BCAT1: variants seen among roughly 807,000 people sequenced by gnomAD.
BCAT1 encodes the protein branched chain amino acid transaminase 1, also known as branched-chain-amino-acid aminotransferase, cytosolic.
BCAT1 carries 48 observed loss-of-function variants against 52.4 expected under a neutral mutation model. That is an observed-to-expected ratio of 0.92 (90% CI 0.73 to 1.16). The LOEUF (loss-of-function observed/expected upper bound fraction) is 1.16. BCAT1 is among the 50% of genes most tolerant of loss of function. The pLI, the probability that BCAT1 is intolerant of heterozygous loss-of-function variation, is 0.00. For missense variants in BCAT1, 451 were observed against 457.1 expected, an observed-to-expected ratio of 0.99 and a Z score of 0.12; for synonymous variants, 167 against 161.3, an observed-to-expected ratio of 1.04 and a Z score of -0.27.
intron 6 of BCAT1, 72 bp downstream of exon 6, chr12:24,849,714 T>C (rs1282066211): frequency 9.7e-6 from 14 of 1,450,666 alleles, no homozygotes; most frequent in South Asian, 5.6e-5. Flanking sequence ...GTGTTCATAC[T>C]GAAGTGAAAT....
chr12:24,909,262 G>T (rs1278089112), intron 1 of BCAT1, among the ~76,000 whole-genome samples: 1 of 152,078 alleles, frequency 6.6e-6, no homozygotes, highest in Non-Finnish European at 1.5e-5. Context: ...TTGGTATTGG[G>T]AAGACAATGA....
chr12:24,932,854 C>A (rs771380246), intron 1 of BCAT1, among the ~76,000 whole-genome samples: 7 of 152,076 alleles, frequency 4.6e-5, no homozygotes, highest in Non-Finnish European at 1.0e-4. Flanking sequence ...CTCCGTCGCC[C>A]AGGCTGGAGT....
chr12:24,820,245 T>G (rs981121608), intron 10 of BCAT1, among the ~76,000 whole-genome samples: 1 of 152,216 alleles, frequency 6.6e-6, no homozygotes, highest in Non-Finnish European at 1.5e-5. Context: ...CTGTAATTTA[T>G]GCTTTTATGT....
chr12:24,841,034 A>C (rs116154144), intron 7 of BCAT1, among the ~76,000 whole-genome samples: 8 of 152,182 alleles, frequency 5.3e-5, no homozygotes, highest in African/African-American at 1.9e-4. Flanking sequence ...CACGTTGCCA[A>C]CACTTCACTG....
In BCAT1 at chr12:24,899,545, G is replaced by A. The variant is rs144114293; in HGVS notation, c.78+2269C>T. ...ATCCTACTACTGGGTATTTTCCAAA[G>A]GAAAGGAAATCAGTATATCAAAGGG... On this transcript the variant is annotated intron_variant, in intron 2 of 10. Coordinates refer to ENST00000261192, the MANE Select transcript of BCAT1 (RefSeq NM_005504.7). Among the ~76,000 whole-genome samples the A allele has an allele frequency of 3.4e-4, 51 of 151,976 alleles. 1 individual carries two copies. The East Asian group carries it at 9.9e-3, about 29-fold the overall frequency.
At chr12:24,925,593 C>T (rs547556151) in intron 1 of BCAT1, among the ~76,000 whole-genome samples, 110 of 151,064 alleles carry the variant, frequency 7.3e-4, no homozygotes, top group African/African-American at 2.4e-3. Context: ...TCCCTCTCCC[C>T]ACGGTCTCCC....
intron 2 of BCAT1, among the ~76,000 whole-genome samples, chr12:24,899,144 A>G (rs1943029144): frequency 6.6e-6 from 1 of 152,194 alleles, no homozygotes; most frequent in African/African-American, 2.4e-5. Flanking sequence ...GTCCACAGAA[A>G]GATTCGCCAG....
intron 1 of BCAT1, chr12:24,902,098 G>C: frequency 1.4e-6 from 2 of 1,472,124 alleles, no homozygotes; most frequent in African/African-American, 2.8e-5. Flanking sequence ...TGCCGGGGTC[G>C]CGGCGGTTTT....
At chr12:24,874,590 G>T (rs1942275785) in intron 5 of BCAT1, among the ~76,000 whole-genome samples, 1 of 152,194 alleles carries the variant, frequency 6.6e-6, no homozygotes, top group Non-Finnish European at 1.5e-5. Flanking sequence ...TAAAAGTTCA[G>T]CTTTCAATGA....
intron 5 of BCAT1, among the ~76,000 whole-genome samples, chr12:24,850,899 A>G (rs1472915986): frequency 6.6e-6 from 1 of 152,188 alleles, no homozygotes; most frequent in African/African-American, 2.4e-5. Flanking sequence ...AAGTTTTTTT[A>G]TTTAACAATA....
Position 24,815,354 on chromosome 12 carries a change from T to G in BCAT1, c.*2654A>C, listed in dbSNP as rs1380401253. ...TCAACCCAATTAAACATTAAATAAT[T>G]GCAGCCAATTATGCAAATATCAGCA... On this transcript the variant is annotated 3_prime_UTR_variant, in exon 11 of 11. Transcript: ENST00000261192. 1.3e-5 allele frequency: 2 copies of G among 152,632 alleles called. No individual in the cohort carries two copies. The highest frequency in any genetic ancestry group is 3.8e-4 in the East Asian group (2 of 5,202). The allele number at this position is 152,632 out of a possible 1,614,324, so 9.5% of individuals were successfully genotyped here.
At chr12:24,868,490 CT>C (rs1237907064) in intron 5 of BCAT1, among the ~76,000 whole-genome samples, 1 of 152,098 alleles carries the variant, frequency 6.6e-6, no homozygotes, top group Non-Finnish European at 1.5e-5. Context: ...CCAAAATATT[CT>C]TCATCTATGG....
intron 2 of BCAT1, among the ~76,000 whole-genome samples, chr12:24,896,527 G>C (rs1164802462): frequency 6.6e-6 from 1 of 152,174 alleles, no homozygotes; most frequent in East Asian, 1.9e-4. Flanking sequence ...CCAACACTTT[G>C]GGAGGCCGAG....
chr12:24,905,898 G>A (rs1943218974), intron 1 of BCAT1, among the ~76,000 whole-genome samples: 1 of 150,720 alleles, frequency 6.6e-6, no homozygotes, highest in Non-Finnish European at 1.5e-5. Context: ...ACCCACATAC[G>A]AGATGATCCT....
At chr12:24,908,285 G>A (rs1943258254) in intron 1 of BCAT1, among the ~76,000 whole-genome samples, 1 of 152,128 alleles carries the variant, frequency 6.6e-6, no homozygotes, top group South Asian at 2.1e-4. Context: ...AAAGAGATTG[G>A]ATCAATGCTT....
chr12:24,868,038 T>A (rs1314657626), intron 5 of BCAT1, among the ~76,000 whole-genome samples: 1 of 152,156 alleles, frequency 6.6e-6, no homozygotes, highest in Non-Finnish European at 1.5e-5. Flanking sequence ...TAAAGCAGTG[T>A]TAGCATTTGT....
chr12:24,836,879 GAGAAAGAA>G (rs147886488), intron 7 of BCAT1, among the ~76,000 whole-genome samples: 3 of 89,686 alleles, frequency 3.3e-5, no homozygotes, highest in Non-Finnish European at 4.1e-5. Flanking sequence ...GAAAGAGAAA[GAGAAAGAA>G]AGAAAGAAAG....
chr12:24,925,762 G>A (rs939865533), intron 1 of BCAT1, among the ~76,000 whole-genome samples: 9 of 152,174 alleles, frequency 5.9e-5, no homozygotes, highest in African/African-American at 1.7e-4. Flanking sequence ...ACTGGTTTTC[G>A]TATTTTTTTG....
rs891265858 is a variant in BCAT1, at chr12:24,837,129, G to T, written c.818-533C>A. ...GAAGAAAGAGAAGGAAGGGAGGAAG[G>T]GGGGAGGGAAGGAAGGAAAGTTATC... On this transcript the variant is annotated intron_variant, in intron 7 of 10. Transcript: ENST00000261192. Among the ~76,000 whole-genome samples, 8 of 131,406 alleles carry T rather than the reference G, an allele frequency of 6.1e-5. 2 individuals carry two copies. The East Asian group carries it at 1.0e-3, about 17-fold the overall frequency. 86.2% of individuals were successfully genotyped at this position (131,406 alleles called of 152,430 possible).
Sources: allele counts gnomAD v4.1 joint callset (sites outside exome capture counted in the v4.1 genomes callset), GRCh38; gene constraint gnomAD v4.1.1; transcripts MANE v1.5; gene names NCBI Gene and HGNC (gene_info 2026-07-23, HGNC 2026-07-21).